The following STPG2 variants were observed in gnomAD, a reference collection of about 807,000 sequenced individuals.
The protein encoded by STPG2 is sperm-tail PG-rich repeat-containing protein 2.
STPG2 carries 56 observed loss-of-function variants against 54.2 expected under a neutral mutation model. That is an observed-to-expected ratio of 1.03 (90% confidence interval 0.83 to 1.29). The LOEUF (loss-of-function observed/expected upper bound fraction) is 1.29. STPG2 is among the 50% of genes most tolerant of loss of function. The probability of loss-of-function intolerance (pLI) is 0.00; values close to 1 mark genes in which losing one functional copy is unlikely to be tolerated. For synonymous variants in STPG2, 200 were observed against 181.8 expected (o/e 1.10, Z -0.81); for missense variants, 596 against 544.9 (o/e 1.09, Z -0.93).
At chr4:97,454,147 TA>T in intron 4 of STPG2, among the ~76,000 whole-genome samples, 1 of 152,182 alleles carries the variant, frequency 6.6e-6, no homozygotes, top group East Asian at 1.9e-4. Flanking sequence ...AAACAGGTGG[TA>T]AATTTAATGA....
intron 10 of STPG2, among the ~76,000 whole-genome samples, chr4:97,617,495 C>T (rs1733905952): frequency 6.6e-6 from 1 of 152,122 alleles, no homozygotes; most frequent in African/African-American, 2.4e-5. Context: ...CTGGAAGATC[C>T]ACTTGCATTG....
At chr4:97,944,460 A>G (rs1003547285) in intron 7 of STPG2, among the ~76,000 whole-genome samples, 1 of 152,054 alleles carries the variant, frequency 6.6e-6, no homozygotes, top group African/African-American at 2.4e-5. Context: ...TCTCTTAAAT[A>G]TCATAATTCT....
At chr4:97,489,204 C>T (rs1730444526) in intron 4 of STPG2, among the ~76,000 whole-genome samples, 2 of 151,728 alleles carry the variant, frequency 1.3e-5, no homozygotes, top group African/African-American at 4.8e-5. Flanking sequence ...GAGGCCTCCA[C>T]ACCCATTTGG....
chr4:97,871,122 TAATGA>T (rs1239181296), intron 8 of STPG2, among the ~76,000 whole-genome samples: 42 of 150,856 alleles, frequency 2.8e-4, no homozygotes, highest in Admixed American at 2.7e-3. Flanking sequence ...ACAATAATGA[TAATGA>T]AAACACTACC....
intron 5 of STPG2, among the ~76,000 whole-genome samples, chr4:98,017,888 C>T (rs995624192): frequency 1.3e-5 from 2 of 152,166 alleles, no homozygotes; most frequent in African/African-American, 4.8e-5. Flanking sequence ...CTCTCTCTCT[C>T]TCTCCTGCTA....
chr4:97,767,512 A>G (rs1726090159), intron 9 of STPG2, among the ~76,000 whole-genome samples: 1 of 152,200 alleles, frequency 6.6e-6, no homozygotes, highest in South Asian at 2.1e-4. Context: ...ATATAAATAC[A>G]ATTTGCTGTA....
intron 2 of STPG2, among the ~76,000 whole-genome samples, chr4:98,132,588 C>T (rs1487085147): frequency 1.3e-5 from 2 of 151,816 alleles, no homozygotes; most frequent in Admixed American, 6.6e-5. Flanking sequence ...AGACTATGGC[C>T]TCCTTTTATG....
At chr4:97,686,147 G>A (rs1005107009) in intron 10 of STPG2, among the ~76,000 whole-genome samples, 1 of 152,158 alleles carries the variant, frequency 6.6e-6, no homozygotes, top group African/African-American at 2.4e-5. Flanking sequence ...CATGAACACG[G>A]TGTCCTGTCT....
chr4:97,688,507 C>A lies in STPG2; in HGVS notation c.1320+24192G>T, dbSNP rs1723268677. Among the ~76,000 whole-genome samples, 4 of 152,130 alleles carry A rather than the reference C, an allele frequency of 2.6e-5. No individual in the cohort carries two copies. The South Asian group carries it at 8.3e-4, about 32-fold the overall frequency. ...TCAGCCTCCCAAGTAGCTGGGACTA[C>A]AGGCACCCGCCACCATGCCCAGCTA... On this transcript the variant is annotated intron_variant, in intron 10 of 10. Transcript: ENST00000295268.
intron 8 of STPG2, among the ~76,000 whole-genome samples, chr4:97,939,334 C>T (rs1258540951): frequency 6.7e-6 from 1 of 150,098 alleles, no homozygotes; most frequent in African/African-American, 2.5e-5. Flanking sequence ...ATCCATGGTC[C>T]AATGTTGCAT....
intron 5 of STPG2, among the ~76,000 whole-genome samples, chr4:98,062,509 T>A (rs1737694748): frequency 6.6e-6 from 1 of 152,112 alleles, no homozygotes; most frequent in South Asian, 2.1e-4. Flanking sequence ...TAGTCGAGAA[T>A]CCTTCACAGG....
At chr4:98,051,829 C>T (rs142398824) in intron 5 of STPG2, among the ~76,000 whole-genome samples, 41 of 151,994 alleles carry the variant, frequency 2.7e-4, no homozygotes, top group Non-Finnish European at 3.7e-4. Context: ...ACACGCTGGG[C>T]GCAGTGGCTC....
chr4:97,795,726 G>T (rs1400564448), intron 9 of STPG2, among the ~76,000 whole-genome samples: 3 of 152,130 alleles, frequency 2.0e-5, no homozygotes, highest in Admixed American at 6.5e-5. Context: ...GTAATGGGAT[G>T]GCTGGGTCAA....
At chr4:97,878,191 T>C (rs991725719) in intron 8 of STPG2, among the ~76,000 whole-genome samples, 4 of 152,100 alleles carry the variant, frequency 2.6e-5, no homozygotes, top group African/African-American at 9.7e-5. Flanking sequence ...GTGCTTTCAC[T>C]GCTGGCATTG....
At chr4:97,596,063 T>C (rs926381516) in intron 10 of STPG2, among the ~76,000 whole-genome samples, 3 of 152,048 alleles carry the variant, frequency 2.0e-5, no homozygotes, top group African/African-American at 7.2e-5. Flanking sequence ...AAAGTAAATA[T>C]ATGAAGAAAA....
At chr4:97,901,504 T>C (rs963663330) in intron 8 of STPG2, among the ~76,000 whole-genome samples, 1 of 151,890 alleles carries the variant, frequency 6.6e-6, no homozygotes, top group Non-Finnish European at 1.5e-5. Context: ...AATACAAAAT[T>C]AACATACAAA....
chr4:97,791,142 G>A (rs192107383), intron 9 of STPG2, among the ~76,000 whole-genome samples: 2 of 152,202 alleles, frequency 1.3e-5, no homozygotes, highest in African/African-American at 4.8e-5. Flanking sequence ...AAAACCTTGT[G>A]GGTAAGGTAT....
intron 5 of STPG2, among the ~76,000 whole-genome samples, chr4:98,084,165 G>T (rs1738438433): frequency 6.6e-6 from 1 of 152,142 alleles, no homozygotes; most frequent in East Asian, 1.9e-4. Flanking sequence ...TTATAGATTT[G>T]TCTTTTTTAG....
intron 4 of STPG2, among the ~76,000 whole-genome samples, chr4:97,461,367 A>G (rs766549777): frequency 1.3e-4 from 20 of 152,082 alleles, no homozygotes; most frequent in Non-Finnish European, 2.2e-4. Flanking sequence ...TTGAAATCCT[A>G]CCTCTTGCAA....
Sources: gnomAD v4.1 joint callset for allele counts (sites outside exome capture counted in the v4.1 genomes callset) on GRCh38, gnomAD v4.1.1 for gene constraint, MANE v1.5 for transcripts, NCBI Gene and HGNC (gene_info 2026-07-23, HGNC 2026-07-21) for gene names.